The following TFAP2B variants were observed in gnomAD, a reference collection of about 807,000 sequenced individuals.
TFAP2B encodes the protein transcription factor AP-2 beta.
Under a neutral mutation model 44.3 loss-of-function variants are expected in TFAP2B, and 9 were observed. The ratio of observed to expected loss-of-function variants is 0.20; its 90% CI spans 0.12 to 0.35. The LOEUF (loss-of-function observed/expected upper bound fraction) is 0.35. Among genes scored for constraint, TFAP2B ranks in the 10% least tolerant of loss-of-function variants. The pLI, the probability that TFAP2B is intolerant of heterozygous loss-of-function variation, is 1.00. For missense variants in TFAP2B, 509 were observed against 600.0 expected, an observed-to-expected ratio of 0.85 and a Z score of 1.59; for synonymous variants, 270 against 263.8, an observed-to-expected ratio of 1.02 and a Z score of -0.23.
intron 3 of TFAP2B, among the ~76,000 whole-genome samples, chr6:50,834,867 G>C (rs2113947646): frequency 6.6e-6 from 1 of 152,322 alleles, no homozygotes; most frequent in Non-Finnish European, 1.5e-5. Flanking sequence ...TCATATCCCA[G>C]TGGAAGAAGC....
intron 2 of TFAP2B, 26 bp from the exon 3 acceptor site, chr6:50,828,593 G>C: frequency 6.3e-7 from 1 of 1,595,236 alleles, no homozygotes; most frequent in Non-Finnish European, 8.6e-7. Flanking sequence ...CTGTCAATTT[G>C]AATAGTGATG....
intron 4 of TFAP2B, among the ~76,000 whole-genome samples, chr6:50,836,982 A>AT (rs1199147059): frequency 1.3e-5 from 2 of 152,180 alleles, no homozygotes; most frequent in Non-Finnish European, 1.5e-5. Flanking sequence ...GAGAATGTGG[A>AT]TTTTATCTTA....
At chr6:50,823,129 T>C (rs1039231082) in intron 1 of TFAP2B, among the ~76,000 whole-genome samples, 1 of 152,116 alleles carries the variant, frequency 6.6e-6, no homozygotes, top group African/African-American at 2.4e-5. Flanking sequence ...AAAAAGCGGC[T>C]AAAATGTTAT....
chr6:50,839,670 C>T (rs947422913), intron 5 of TFAP2B, among the ~76,000 whole-genome samples: 2 of 152,170 alleles, frequency 1.3e-5, no homozygotes, highest in African/African-American at 4.8e-5. Flanking sequence ...TTTCCATATA[C>T]ATTTTACATA....
At position 50,836,054 on chromosome 6, in the gene TFAP2B, T is replaced by C; in HGVS notation, c.602-7T>C. The stretch of plus-strand genomic sequence containing the variant: ...CACCTTTATGGCAATTTTTTCTCTC[T>C]TTCTAGTTCCAGTTCCTCCCAAATC... On this transcript the variant is annotated splice_polypyrimidine_tract_variant and splice_region_variant and intron_variant, in intron 3 of 6. Transcript: ENST00000393655. 6.2e-7 allele frequency: 1 copy of C among 1,613,506 alleles called. No homozygotes were observed. The highest frequency in any genetic ancestry group is 8.5e-7 in the Non-Finnish European group (1 of 1,179,430).
At chr6:50,830,872 G>A (rs538417436) in intron 3 of TFAP2B, among the ~76,000 whole-genome samples, 1 of 152,112 alleles carries the variant, frequency 6.6e-6, no homozygotes, top group Non-Finnish European at 1.5e-5. Flanking sequence ...AGGTGAGAAA[G>A]TCTTGTGAAC....
At chr6:50,822,601 C>T (rs964808861) in intron 1 of TFAP2B, among the ~76,000 whole-genome samples, 1 of 152,034 alleles carries the variant, frequency 6.6e-6, no homozygotes, top group East Asian at 1.9e-4. Context: ...GCTTTTATTT[C>T]CCCCCACCCC....
intron 3 of TFAP2B, among the ~76,000 whole-genome samples, chr6:50,831,498 A>C (rs1770676959): frequency 6.6e-6 from 1 of 152,078 alleles, no homozygotes; most frequent in African/African-American, 2.4e-5. Context: ...AAACTCTCCT[A>C]ATCTAAACCG....
At chr6:50,843,019 G>C (rs1268258069) in intron 6 of TFAP2B, 73 bp from the exon 7 acceptor site, 1 of 1,598,238 alleles carries the variant, frequency 6.3e-7, no homozygotes, top group Non-Finnish European at 8.6e-7. Flanking sequence ...GGGCTTGTGT[G>C]AGCGTCTCCT....
rs371608614 is a variant in TFAP2B at position 50,818,939 on chromosome 6, T to G, written c.48T>G (p.Leu16=). Residue 16 remains leucine, a synonymous_variant, in exon 1 of 7, where the codon CTT becomes CTG. Transcript: ENST00000393655. ...RDQAAIMLWK[L]VENVKYEDIY... is the part of the protein sequence containing the mutation. ...AGGCTGCCATCATGCTCTGGAAGCT[T>G]GTGGAGAATGTCAAGTACGAAGATA... 11 of 1,613,900 alleles carry G rather than the reference T, an allele frequency of 6.8e-6. No homozygotes were observed. In the African/African-American group the frequency reaches 1.3e-4, roughly 20 times the overall value.
At chr6:50,837,759 T>TA (rs961055813) in intron 4 of TFAP2B, among the ~76,000 whole-genome samples, 1 of 149,766 alleles carries the variant, frequency 6.7e-6, no homozygotes, top group East Asian at 2.0e-4. Flanking sequence ...TCTCACAAGA[T>TA]AAAAAAAGAA....
At position 50,836,191 on chromosome 6, in the gene TFAP2B, G is replaced by C. The variant is rs778271758; in HGVS notation, c.732G>C (p.Ser244=). 11 of 1,613,926 alleles carry C rather than the reference G, an allele frequency of 6.8e-6. No individual in the cohort carries two copies. Among genetic ancestry groups the C allele is most frequent in the Non-Finnish European group, 8.5e-6 (10 of 1,180,036 alleles). The change falls in exon 4 of 7, where the codon TCG becomes TCC. Residue 244 remains serine (S), a synonymous_variant. Coordinates refer to ENST00000393655, the MANE Select transcript of TFAP2B (RefSeq NM_003221.4). Reference sequence around the variant, plus strand: ...GTTTGTCTCTGCTCAGTTCAACTTCGAAGTACAAAGTAACTGTGGGAGAAG... The same window carrying C: ...GTTTGTCTCTGCTCAGTTCAACTTCCAAGTACAAAGTAACTGTGGGAGAAG... ...PGRLSLLSST[S]KYKVTVGEVQ...
chr6:50,837,565 G>A (rs1054601578), intron 4 of TFAP2B, among the ~76,000 whole-genome samples: 7 of 152,068 alleles, frequency 4.6e-5, no homozygotes, highest in Non-Finnish European at 5.9e-5. Context: ...CAGCAAGTGC[G>A]CTCTCCTCTC....
In TFAP2B at chr6:50,823,461, G is replaced by C. The variant is rs762417886; in HGVS notation, c.136G>C (p.Val46Leu). 4.3e-6 allele frequency: 7 copies of C among 1,610,732 alleles called. No homozygotes were observed. In the African/African-American group the frequency reaches 5.4e-5, roughly 12 times the overall value. The change falls in exon 2 of 7, where the codon GTG (valine) becomes CTG (leucine). Residue 46 changes from valine (V) to leucine (L), a missense_variant. This residue lies in a region of TFAP2B where 296 missense variants were observed against 308.2 expected (regional missense o/e 0.96). Coordinates refer to ENST00000393655, the MANE Select transcript of TFAP2B (RefSeq NM_003221.4). ...HSSRLSQLGS[V>L]SQGPYSSAPP... ...CTCGCGGCTCTCCCAGCTGGGCTCGGTGTCCCAAGGACCCTACTCGAGCGC... is the reference window on the plus strand; with the variant it reads ...CTCGCGGCTCTCCCAGCTGGGCTCGCTGTCCCAAGGACCCTACTCGAGCGC...
intron 2 of TFAP2B, 103 bp downstream of exon 2, chr6:50,823,968 A>C: frequency 7.8e-7 from 1 of 1,274,704 alleles, no homozygotes; most frequent in Non-Finnish European, 1.1e-6. Context: ...CTTTTTGGGG[A>C]GTTTGTTCCC....
At chr6:50,823,018 C>T (rs879485655) in intron 1 of TFAP2B, among the ~76,000 whole-genome samples, 8 of 152,200 alleles carry the variant, frequency 5.3e-5, no homozygotes, top group African/African-American at 1.9e-4. Context: ...GAGGAGCAAA[C>T]ACCATATGTA....
intron 4 of TFAP2B, among the ~76,000 whole-genome samples, chr6:50,837,411 G>T (rs1762644144): frequency 6.6e-6 from 1 of 152,102 alleles, no homozygotes. Flanking sequence ...AATATAAAGT[G>T]CTTATCACAT....
In TFAP2B at chr6:50,834,831, A is replaced by G. The variant is rs565495872; in HGVS notation, c.602-1230A>G. ...CAAAGATTTTTTGGACTGGTGATCG[A>G]CAAATACCATGAAGATTTGGAGGCC... On this transcript the variant is annotated intron_variant, in intron 3 of 6. Coordinates refer to ENST00000393655, the MANE Select transcript of TFAP2B (RefSeq NM_003221.4). 2.0e-5 allele frequency among the ~76,000 whole-genome samples: 3 copies of G among 152,326 alleles called. No individual in the cohort carries two copies. In the South Asian group the frequency reaches 6.2e-4, roughly 32 times the overall value.
rs1762772145 is a variant in TFAP2B, at chr6:50,843,326, C to T, written c.1317C>T (p.Asn439=). 1 of 1,614,112 alleles carries T rather than the reference C, an allele frequency of 6.2e-7. No homozygotes were observed. The highest frequency in any genetic ancestry group is 8.5e-7 in the Non-Finnish European group (1 of 1,180,022). The part of the protein sequence containing the change: ...DKMFLNNTTT[N]RHTSGEGPGS... ...TGTTCTTGAACAACACCACCACTAA[C>T]AGGCACACGTCTGGGGAAGGCCCAG... Residue 439 remains asparagine (N), a synonymous_variant, in exon 7 of 7, where the codon AAC becomes AAT. Transcript: ENST00000393655.
Sources: allele counts gnomAD v4.1 joint callset (sites outside exome capture counted in the v4.1 genomes callset), GRCh38; gene constraint gnomAD v4.1.1; regional missense constraint gnomAD v4.1.1; transcripts MANE v1.5; gene names NCBI Gene and HGNC (gene_info 2026-07-23, HGNC 2026-07-21).